The following ROR2 variants were observed in gnomAD, a reference collection of about 807,000 sequenced individuals.
ROR2 encodes the protein tyrosine-protein kinase transmembrane receptor ROR2.
Under a neutral mutation model 74.9 loss-of-function variants are expected in ROR2, and 33 were observed. The ratio of observed to expected loss-of-function variants is 0.44; its 90% confidence interval spans 0.33 to 0.59. The LOEUF is 0.59. ROR2 is among the 20% of genes least tolerant of loss of function. The probability of loss-of-function intolerance (pLI) is 0.02; values close to 1 mark genes in which losing one functional copy is unlikely to be tolerated. For missense variants in ROR2, 1,216 were observed against 1,313.8 expected, an observed-to-expected ratio of 0.93 and a Z score of 1.15; for synonymous variants, 586 against 558.7, an observed-to-expected ratio of 1.05 and a Z score of -0.69.
At chr9:91,732,880 G>A (rs1311020096) in intron 6 of ROR2, among the ~76,000 whole-genome samples, 2 of 152,188 alleles carry the variant, frequency 1.3e-5, no homozygotes, top group African/African-American at 4.8e-5. Context: ...TCCCACAGCT[G>A]GACACAGTGC....
In ROR2 at chr9:91,724,027, C is replaced by G. The variant is rs753371692; in HGVS notation, c.2467G>C (p.Gly823Arg). Residue 823 changes from glycine (G) to arginine (R), a missense_variant, in exon 9 of 9, where the codon GGC becomes CGC. Transcript: ENST00000375708. ...PPPQLYVPVN[G>R]YQPVPAYGAY... ...CCATAGGCCGGCACCGGCTGGTAGC[C>G]GTTGACGGGGACGTAGAGCTGCGGC... 1.2e-5 allele frequency: 19 copies of G among 1,612,172 alleles called. No individual in the cohort carries two copies. Among genetic ancestry groups the G allele is most frequent in the African/African-American group, 5.3e-5 (4 of 74,916 alleles).
chr9:91,800,777 T>A (rs1201816386), intron 1 of ROR2, among the ~76,000 whole-genome samples: 1 of 152,178 alleles, frequency 6.6e-6, no homozygotes, highest in Admixed American at 6.5e-5. Flanking sequence ...ACAGTAAAGT[T>A]CACAGCCACG....
chr9:91,789,193 G>A (rs1826894150), intron 1 of ROR2, among the ~76,000 whole-genome samples: 2 of 152,140 alleles, frequency 1.3e-5, no homozygotes, highest in African/African-American at 4.8e-5. Flanking sequence ...TACATGCACT[G>A]AAATATCAGA....
At chr9:91,798,792 T>C (rs1827277575) in intron 1 of ROR2, among the ~76,000 whole-genome samples, 1 of 152,140 alleles carries the variant, frequency 6.6e-6, no homozygotes, top group Non-Finnish European at 1.5e-5. Flanking sequence ...TTGTCTACTT[T>C]CGTTTTGCCA....
At chr9:91,794,207 A>G (rs1587724735) in intron 1 of ROR2, among the ~76,000 whole-genome samples, 1 of 152,386 alleles carries the variant, frequency 6.6e-6, no homozygotes, top group African/African-American at 2.4e-5. Context: ...AAAATACAAT[A>G]AGGACAGCAA....
intron 1 of ROR2, among the ~76,000 whole-genome samples, chr9:91,871,351 G>T (rs1201767417): frequency 1.3e-5 from 2 of 152,142 alleles, no homozygotes; most frequent in East Asian, 3.8e-4. Flanking sequence ...GCCATGGATT[G>T]GCATGATATA....
At chr9:91,796,625 G>A (rs1454281061) in intron 1 of ROR2, among the ~76,000 whole-genome samples, 2 of 152,132 alleles carry the variant, frequency 1.3e-5, no homozygotes, top group South Asian at 4.1e-4. Flanking sequence ...TGACGCCCTG[G>A]GCTCAGTGGG....
intron 1 of ROR2, among the ~76,000 whole-genome samples, chr9:91,808,076 T>C (rs1239384666): frequency 6.6e-6 from 1 of 151,758 alleles, no homozygotes; most frequent in African/African-American, 2.4e-5. Context: ...AAGAAGAAAA[T>C]TATTTCTATA....
intron 1 of ROR2, among the ~76,000 whole-genome samples, chr9:91,875,095 T>C (rs1829919580): frequency 6.6e-6 from 1 of 152,210 alleles, no homozygotes; most frequent in African/African-American, 2.4e-5. Context: ...TTACATTTTC[T>C]CCAACTTTAG....
intron 1 of ROR2, among the ~76,000 whole-genome samples, chr9:91,802,111 T>C (rs1827406950): frequency 6.8e-6 from 1 of 146,224 alleles, no homozygotes; most frequent in Non-Finnish European, 1.5e-5. Flanking sequence ...TCTCGCTCTG[T>C]TGCCCAGGCT....
intron 1 of ROR2, among the ~76,000 whole-genome samples, chr9:91,850,531 T>C (rs567036021): frequency 3.3e-5 from 5 of 152,218 alleles, no homozygotes; most frequent in Admixed American, 3.3e-4. Flanking sequence ...GCTCTGAAGA[T>C]GGACAAGGGG....
At chr9:91,949,808 G>T in intron 1 of ROR2, 59 bp downstream of exon 1, 2 of 1,109,228 alleles carry the variant, frequency 1.8e-6, no homozygotes, top group East Asian at 5.2e-5. Flanking sequence ...GCGGCGGAAG[G>T]GCTGGCCAAG....
chr9:91,820,891 C>A (rs566660029), intron 1 of ROR2, among the ~76,000 whole-genome samples: 1 of 152,196 alleles, frequency 6.6e-6, no homozygotes, highest in South Asian at 2.1e-4. Flanking sequence ...CACCTGAGGT[C>A]AGGAGTTCAA....
intron 2 of ROR2, among the ~76,000 whole-genome samples, chr9:91,763,285 C>A (rs1232297784): frequency 2.0e-5 from 3 of 152,170 alleles, no homozygotes; most frequent in Non-Finnish European, 1.5e-5. Context: ...ACACAATTTA[C>A]CCATGTCACA....
chr9:91,871,784 C>T (rs529974863), intron 1 of ROR2, among the ~76,000 whole-genome samples: 3 of 152,164 alleles, frequency 2.0e-5, no homozygotes, highest in Non-Finnish European at 4.4e-5. Flanking sequence ...AGCCACCATG[C>T]TGTGAGAAGG....
At chr9:91,770,899 G>A (rs542707893) in intron 2 of ROR2, among the ~76,000 whole-genome samples, 1 of 152,072 alleles carries the variant, frequency 6.6e-6, no homozygotes, top group Non-Finnish European at 1.5e-5. Context: ...ACAATAATTC[G>A]GCCGATATGA....
chr9:91,897,798 G>A (rs139434187), intron 1 of ROR2, among the ~76,000 whole-genome samples: 2 of 152,264 alleles, frequency 1.3e-5, no homozygotes, highest in Non-Finnish European at 2.9e-5. Context: ...AGTTCCAAAG[G>A]CAGCCCAGGC....
chr9:91,940,942 T>C (rs1288827669), intron 1 of ROR2, among the ~76,000 whole-genome samples: 4 of 151,590 alleles, frequency 2.6e-5, no homozygotes, highest in Non-Finnish European at 5.9e-5. Context: ...TAAACTCCAT[T>C]GTTCATTGCA....
chr9:91,890,564 A>G (rs901847808), intron 1 of ROR2, among the ~76,000 whole-genome samples: 2 of 152,224 alleles, frequency 1.3e-5, no homozygotes, highest in African/African-American at 4.8e-5. Context: ...CTAGCAATGC[A>G]TCCGGAAGCT....
Sources: gnomAD v4.1 joint callset for allele counts (sites outside exome capture counted in the v4.1 genomes callset) on GRCh38, gnomAD v4.1.1 for gene constraint, MANE v1.5 for transcripts, NCBI Gene and HGNC (gene_info 2026-07-23, HGNC 2026-07-21) for gene names.